Variants in SEC14L1 observed in about 807,000 individuals in gnomAD.
The protein encoded by SEC14L1 is SEC14-like protein 1.
A neutral mutation model predicts 85.3 loss-of-function variants in SEC14L1; 48 were observed. That is an observed-to-expected ratio of 0.56 (90% CI 0.45 to 0.72). SEC14L1 has a LOEUF of 0.72. Ranked by LOEUF, SEC14L1 falls within the 30% of genes least tolerant of loss-of-function variation. The pLI is 0.00. For synonymous variants in SEC14L1, 391 were observed against 355.5 expected (o/e 1.10, Z -1.12); for missense variants, 682 against 921.4 (o/e 0.74, Z 3.36).
At chr17:77,104,120 C>CT (rs1182648184) in intron 3 of SEC14L1, among the ~76,000 whole-genome samples, 5,497 of 134,858 alleles carry the variant, frequency 0.041, 158 homozygotes, top group East Asian at 0.073. Flanking sequence ...TTTGTATTTA[C>CT]TTTTTTTTTT....
upstream of SEC14L1, among the ~76,000 whole-genome samples, chr17:77,136,210 TTTTTC>T (rs1972793870): frequency 6.6e-6 from 1 of 151,632 alleles, no homozygotes; most frequent in East Asian, 1.9e-4. Flanking sequence ...GCTTTCTTTC[TTTTTC>T]TTTTCTTTCT....
At position 77,128,389 on chromosome 17, in the gene SEC14L1, C is replaced by CATTTTATTTTATTTT. The variant is rs144559197; in HGVS notation, c.-135-14203_-135-14189dup. ...GACAAGTTATGCATTCACACTTGAG[C>CATTTTATTTTATTTT]ATTTTATTTTATTTTATTTTATTTT... is the stretch of plus-strand genomic sequence containing the variant. On this transcript the variant is annotated intron_variant, in intron 3 of 19. Transcript: ENST00000392476. Among the ~76,000 whole-genome samples, 293 of 129,998 alleles carry CATTTTATTTTATTTT rather than the reference C, an allele frequency of 2.3e-3. 3 individuals carry two copies. Among genetic ancestry groups the CATTTTATTTTATTTT allele is most frequent in the Admixed American group, 3.5e-3 (44 of 12,534 alleles). 85.3% of individuals were successfully genotyped at this position (129,998 alleles called of 152,430 possible).
Position 77,214,742 on chromosome 17 carries a change from T to C in SEC14L1, c.*719T>C. The C allele has an allele frequency of 1.0e-6, 1 of 985,522 alleles. No individual in the cohort carries two copies. Among genetic ancestry groups the C allele is most frequent in the Non-Finnish European group, 1.2e-6 (1 of 830,000 alleles). 61.0% of individuals were successfully genotyped at this position (985,522 alleles called of 1,614,324 possible). A position where few individuals can be genotyped will look rare whatever the true frequency, so the allele number is the denominator to read the frequency against. ...CTTTTCAAATCTTTTTGATACTTTT[T>C]AGAGCAGGATTTTTCTGTATGTGAA... is the stretch of plus-strand genomic sequence containing the variant. On this transcript the variant is annotated 3_prime_UTR_variant, in exon 17 of 17. Coordinates refer to ENST00000436233, the MANE Select transcript of SEC14L1 (RefSeq NM_001143998.2).
At chr17:77,114,917 C>T (rs1384791321) in intron 3 of SEC14L1, among the ~76,000 whole-genome samples, 1 of 151,740 alleles carries the variant, frequency 6.6e-6, no homozygotes, top group African/African-American at 2.4e-5. Context: ...TCTGGAGGCT[C>T]CCAGCTATAG....
intron 3 of SEC14L1, among the ~76,000 whole-genome samples, chr17:77,163,290 G>A (rs998153422): frequency 4.6e-5 from 7 of 152,214 alleles, no homozygotes; most frequent in Middle Eastern, 3.4e-3. Flanking sequence ...CGTCTGCCCC[G>A]GGATTATCTT....
chr17:77,204,135 G>A (rs1278371925), intron 10 of SEC14L1, among the ~76,000 whole-genome samples: 1 of 152,156 alleles, frequency 6.6e-6, no homozygotes. Flanking sequence ...AGAAGAAGAT[G>A]GTCCTTCAAT....
intron 3 of SEC14L1, among the ~76,000 whole-genome samples, chr17:77,152,833 C>G (rs2143579440): frequency 6.6e-6 from 1 of 152,260 alleles, no homozygotes; most frequent in African/African-American, 2.4e-5. Flanking sequence ...TCAAATAAAG[C>G]CATTTGTATT....
Position 77,214,131 on chromosome 17 carries a change from T to A in SEC14L1, c.*108T>A, listed in dbSNP as rs1211943686. 6.7e-7 allele frequency: 1 copy of A among 1,484,560 alleles called. No individual in the cohort carries two copies. The highest frequency in any genetic ancestry group is 1.4e-5 in the African/African-American group (1 of 70,968). 92.0% of individuals were successfully genotyped at this position (1,484,560 alleles called of 1,614,324 possible). On this transcript the variant is annotated 3_prime_UTR_variant, in exon 17 of 17. Coordinates refer to ENST00000436233, the MANE Select transcript of SEC14L1 (RefSeq NM_001143998.2). ...ACATTGTACAGACTCCTCTCACCTC[T>A]AGATAGCAAATAGCTCTCAGATGGT... is the stretch of plus-strand genomic sequence containing the variant.
At chr17:77,180,752 C>T (rs1347672193) in intron 3 of SEC14L1, among the ~76,000 whole-genome samples, 1 of 152,184 alleles carries the variant, frequency 6.6e-6, no homozygotes, top group Non-Finnish European at 1.5e-5. Context: ...AGTATTTGGA[C>T]AAGTGGACGG....
intron 3 of SEC14L1, among the ~76,000 whole-genome samples, chr17:77,101,128 G>C (rs1971768105): frequency 6.6e-6 from 1 of 151,868 alleles, no homozygotes; most frequent in Non-Finnish European, 1.5e-5. Flanking sequence ...AATTATATCA[G>C]GTAGAAAGGG....
rs759470211 is a variant in SEC14L1 at position 77,196,250 on chromosome 17, C to T, written c.758C>T (p.Pro253Leu). The T allele has an allele frequency of 6.2e-6, 10 of 1,614,000 alleles. No individual in the cohort carries two copies. The highest frequency in any genetic ancestry group is 1.6e-4 in the Middle Eastern group (1 of 6,084). ...AAGAGATACCTGGGCGATTTGACTC[C>T]GCTGCAGGAGAGCTGCCTCATTAGA... ...YIKRYLGDLT[P>L]LQESCLIRLR... The change falls in exon 8 of 17, where the codon CCG becomes CTG. Residue 253 changes from proline to leucine, a missense_variant. This residue lies in a region of SEC14L1 where 420 missense variants were observed against 619.5 expected (regional missense o/e 0.68). Coordinates refer to ENST00000436233, the MANE Select transcript of SEC14L1 (RefSeq NM_001143998.2).
intron 3 of SEC14L1, among the ~76,000 whole-genome samples, chr17:77,107,523 T>C (rs1228951224): frequency 6.6e-6 from 1 of 151,950 alleles, no homozygotes; most frequent in African/African-American, 2.4e-5. Context: ...AAGACATAGA[T>C]GAAAAGGAGA....
At chr17:77,176,342 T>C (rs1344882267) in intron 3 of SEC14L1, among the ~76,000 whole-genome samples, 6 of 150,942 alleles carry the variant, frequency 4.0e-5, no homozygotes, top group Admixed American at 2.6e-4. Context: ...GTAAAATAGG[T>C]GAAAGACGGA....
At chr17:77,123,855 T>C (rs1055966682) in intron 3 of SEC14L1, among the ~76,000 whole-genome samples, 4 of 152,220 alleles carry the variant, frequency 2.6e-5, no homozygotes, top group African/African-American at 4.8e-5. Flanking sequence ...GGAAGGAAGA[T>C]GTAGCGAAAC....
At chr17:77,097,929 G>GA (rs953869206) in intron 3 of SEC14L1, among the ~76,000 whole-genome samples, 2 of 152,130 alleles carry the variant, frequency 1.3e-5, no homozygotes, top group Non-Finnish European at 2.9e-5. Flanking sequence ...TGCAATTTTA[G>GA]ATGGGTGGCC....
intron 3 of SEC14L1, among the ~76,000 whole-genome samples, chr17:77,103,658 T>C (rs866128389): frequency 8.4e-4 from 9 of 10,714 alleles, no homozygotes; most frequent in Admixed American, 5.4e-3. Context: ...GCCAGGCCAG[T>C]CTTGAACTCC....
intron 3 of SEC14L1, among the ~76,000 whole-genome samples, chr17:77,119,697 C>A (rs937222284): frequency 1.3e-5 from 2 of 152,124 alleles, no homozygotes; most frequent in African/African-American, 4.8e-5. Context: ...GGAGAGGGCC[C>A]CAGGCTGGCT....
chr17:77,161,497 C>CA (rs968487803), intron 3 of SEC14L1, among the ~76,000 whole-genome samples: 6 of 149,958 alleles, frequency 4.0e-5, no homozygotes, highest in South Asian at 2.1e-4. Flanking sequence ...TACTCTATCT[C>CA]AAAAAAAAAG....
chr17:77,194,066 G>A (rs1241658286), intron 6 of SEC14L1, among the ~76,000 whole-genome samples: 3 of 152,136 alleles, frequency 2.0e-5, no homozygotes, highest in African/African-American at 7.2e-5. Context: ...AATTGAAATT[G>A]AGACAGAAAT....
Sources: gnomAD v4.1 joint callset for allele counts (sites outside exome capture counted in the v4.1 genomes callset) on GRCh38, gnomAD v4.1.1 for gene constraint, gnomAD v4.1.1 regional missense constraint, MANE v1.5 for transcripts, NCBI Gene and HGNC (gene_info 2026-07-23, HGNC 2026-07-21) for gene names.